Variants in STXBP5L observed in about 807,000 individuals in gnomAD.
STXBP5L encodes the protein syntaxin binding protein 5L, also known as syntaxin-binding protein 5-like.
STXBP5L carries 65 observed loss-of-function variants against 144.5 expected under a neutral mutation model. That is an observed-to-expected ratio of 0.45 (90% confidence interval 0.37 to 0.55). The LOEUF (loss-of-function observed/expected upper bound fraction) is 0.55. Among genes scored for constraint, STXBP5L ranks in the 20% least tolerant of loss-of-function variants. The pLI, the probability that STXBP5L is intolerant of heterozygous loss-of-function variation, is 0.00. For synonymous variants in STXBP5L, 505 were observed against 469.6 expected (o/e 1.08, Z -0.97); for missense variants, 1,298 against 1,405.5 (o/e 0.92, Z 1.22).
chr3:121,197,442 A>C (rs1469711565), intron 9 of STXBP5L, among the ~76,000 whole-genome samples: 2 of 151,734 alleles, frequency 1.3e-5, no homozygotes, highest in Non-Finnish European at 2.9e-5. Context: ...CTCCTCCTTT[A>C]CTGATTTTTT....
intron 5 of STXBP5L, among the ~76,000 whole-genome samples, chr3:121,096,863 C>T (rs1459596229): frequency 6.6e-6 from 1 of 152,140 alleles, no homozygotes; most frequent in Non-Finnish European, 1.5e-5. Context: ...GTTAGTATAG[C>T]TCAAACACTC....
chr3:120,955,650 C>T (rs1937942432), intron 3 of STXBP5L, among the ~76,000 whole-genome samples: 2 of 151,926 alleles, frequency 1.3e-5, no homozygotes, highest in Admixed American at 1.3e-4. Flanking sequence ...CATATTCTTT[C>T]ACCTACTTTG....
chr3:121,112,562 TC>T (rs2044037520), intron 5 of STXBP5L, among the ~76,000 whole-genome samples: 1 of 152,026 alleles, frequency 6.6e-6, no homozygotes, highest in Non-Finnish European at 1.5e-5. Context: ...CCGTTTTCAT[TC>T]TTCTCGGTGG....
At chr3:121,341,595 C>T (rs963505885) in intron 20 of STXBP5L, among the ~76,000 whole-genome samples, 1 of 151,984 alleles carries the variant, frequency 6.6e-6, no homozygotes, top group Admixed American at 6.6e-5. Context: ...TTCACAGTAG[C>T]CAAGATTTGG....
chr3:121,111,455 C>G (rs1433401192), intron 5 of STXBP5L, among the ~76,000 whole-genome samples: 1 of 152,106 alleles, frequency 6.6e-6, no homozygotes, highest in Non-Finnish European at 1.5e-5. Context: ...TTGCTGCTTT[C>G]TATTTGTTAT....
intron 3 of STXBP5L, among the ~76,000 whole-genome samples, chr3:120,962,932 G>C (rs1488169974): frequency 1.3e-5 from 2 of 152,108 alleles, no homozygotes; most frequent in East Asian, 1.9e-4. Context: ...CCATTTGTTT[G>C]TGTCCTCTTT....
At chr3:120,971,154 A>G (rs1269266969) in intron 3 of STXBP5L, among the ~76,000 whole-genome samples, 1 of 152,172 alleles carries the variant, frequency 6.6e-6, no homozygotes, top group Admixed American at 6.6e-5. Context: ...AAATCTGGTT[A>G]GAAATTTGGG....
At chr3:121,132,070 C>T (rs550222656) in intron 7 of STXBP5L, among the ~76,000 whole-genome samples, 4 of 152,286 alleles carry the variant, frequency 2.6e-5, no homozygotes, top group East Asian at 3.9e-4. Context: ...CAAAGGGGCT[C>T]CCCAGAGAAT....
At chr3:121,157,388 T>C (rs1310864647) in intron 8 of STXBP5L, 116 bp from the exon 9 acceptor site, 1 of 1,132,748 alleles carries the variant, frequency 8.8e-7, no homozygotes, top group Non-Finnish European at 1.2e-6. Context: ...AATTATGTTT[T>C]TTAAGTGTTG....
intron 5 of STXBP5L, among the ~76,000 whole-genome samples, chr3:121,081,413 GTTTA>G (rs1348270086): frequency 1.3e-5 from 2 of 152,020 alleles, no homozygotes; most frequent in Non-Finnish European, 2.9e-5. Context: ...AATGTTTGTA[GTTTA>G]TTTTAGCTGA....
intron 4 of STXBP5L, among the ~76,000 whole-genome samples, chr3:121,043,682 C>G (rs1393391331): frequency 6.6e-6 from 1 of 152,056 alleles, no homozygotes; most frequent in East Asian, 1.9e-4. Context: ...GCACTCCAGC[C>G]TGGCAACAGA....
At chr3:121,228,780 G>A (rs1278647460) in intron 11 of STXBP5L, among the ~76,000 whole-genome samples, 1 of 152,180 alleles carries the variant, frequency 6.6e-6, no homozygotes, top group African/African-American at 2.4e-5. Context: ...GGGAGGCTGA[G>A]GCAGAAGAAT....
chr3:120,920,321 A>G (rs990321981), intron 2 of STXBP5L, among the ~76,000 whole-genome samples: 1 of 148,068 alleles, frequency 6.8e-6, no homozygotes, highest in Non-Finnish European at 1.5e-5. Context: ...TTTTTGAAAA[A>G]TGATTTGGGG....
At chr3:121,022,394 A>G (rs1325096853) in intron 3 of STXBP5L, among the ~76,000 whole-genome samples, 1 of 152,132 alleles carries the variant, frequency 6.6e-6, no homozygotes, top group Non-Finnish European at 1.5e-5. Flanking sequence ...ATTCTAAAAG[A>G]TAAAAGAGGT....
chr3:121,131,286 C>G (rs1009635015), intron 7 of STXBP5L, among the ~76,000 whole-genome samples: 4 of 152,024 alleles, frequency 2.6e-5, no homozygotes, highest in Non-Finnish European at 5.9e-5. Context: ...TAAAAGCCTA[C>G]ATAAAATGGG....
intron 3 of STXBP5L, among the ~76,000 whole-genome samples, chr3:120,965,779 T>G (rs1322820046): frequency 6.6e-6 from 1 of 152,204 alleles, no homozygotes; most frequent in Non-Finnish European, 1.5e-5. Context: ...TCAAAGAGTA[T>G]CTTTATGATC....
intron 18 of STXBP5L, among the ~76,000 whole-genome samples, chr3:121,271,778 A>G (rs941788600): frequency 6.6e-6 from 1 of 152,226 alleles, no homozygotes; most frequent in East Asian, 1.9e-4. Context: ...CTCTAAAGAC[A>G]TGTCTGAGAT....
At chr3:121,192,743 T>C (rs141015187) in intron 9 of STXBP5L, among the ~76,000 whole-genome samples, 28,363 of 152,130 alleles carry the variant, frequency 0.19, 3,072 homozygotes, top group East Asian at 0.54. Flanking sequence ...GTTTAATAAA[T>C]GGTGCTGGGA....
intron 18 of STXBP5L, among the ~76,000 whole-genome samples, chr3:121,266,839 A>C (rs1365124541): frequency 2.6e-5 from 4 of 152,134 alleles, no homozygotes; most frequent in African/African-American, 9.7e-5. Flanking sequence ...AACAACAGAC[A>C]AAGAGAGTGA....
Sources: allele counts gnomAD v4.1 joint callset (sites outside exome capture counted in the v4.1 genomes callset), GRCh38; gene constraint gnomAD v4.1.1; transcripts MANE v1.5; gene names NCBI Gene and HGNC (gene_info 2026-07-23, HGNC 2026-07-21).